The following SUPT3H variants were observed in gnomAD, a reference collection of about 807,000 sequenced individuals.
The protein encoded by SUPT3H is transcription initiation protein SPT3 homolog.
Under a neutral mutation model 44.3 loss-of-function variants are expected in SUPT3H, and 44 were observed. That is an observed-to-expected ratio of 0.99 (90% CI 0.78 to 1.28). SUPT3H has a LOEUF of 1.28. SUPT3H is among the 50% of genes most tolerant of loss of function. The probability of loss-of-function intolerance (pLI) is 0.00; values close to 1 mark genes in which losing one functional copy is unlikely to be tolerated. For missense variants in SUPT3H, 380 were observed against 387.1 expected (o/e 0.98, Z 0.15); for synonymous variants, 124 against 125.6 (o/e 0.99, Z 0.09).
At chr6:45,061,619 C>CA (rs1792049278) in intron 3 of SUPT3H, among the ~76,000 whole-genome samples, 1 of 151,642 alleles carries the variant, frequency 6.6e-6, no homozygotes. Flanking sequence ...AAGAAACAAA[C>CA]AAAAAAAGAA....
At chr6:44,846,626 T>G (rs1376169335) in intron 10 of SUPT3H, among the ~76,000 whole-genome samples, 2 of 151,878 alleles carry the variant, frequency 1.3e-5, no homozygotes, top group East Asian at 3.9e-4. Flanking sequence ...TCTTTCCCAA[T>G]TGAATTTTTT....
chr6:45,269,877 G>A (rs1775842518), intron 2 of SUPT3H, among the ~76,000 whole-genome samples: 1 of 152,090 alleles, frequency 6.6e-6, no homozygotes, highest in Non-Finnish European at 1.5e-5. Context: ...TCTAATTTCA[G>A]AACATTTTCA....
At chr6:44,984,003 A>G (rs1779440681) in intron 6 of SUPT3H, among the ~76,000 whole-genome samples, 1 of 152,220 alleles carries the variant, frequency 6.6e-6, no homozygotes, top group African/African-American at 2.4e-5. Flanking sequence ...TCAACCTAGC[A>G]TATATATGGC....
chr6:44,837,477 G>C (rs857601), intron 10 of SUPT3H, among the ~76,000 whole-genome samples: 1 of 152,104 alleles, frequency 6.6e-6, no homozygotes, highest in Non-Finnish European at 1.5e-5. Context: ...TTCCTAAAAA[G>C]TGGGCTTAGA....
chr6:45,219,322 A>G (rs1452988492), intron 2 of SUPT3H, among the ~76,000 whole-genome samples: 1 of 152,098 alleles, frequency 6.6e-6, no homozygotes, highest in Non-Finnish European at 1.5e-5. Flanking sequence ...AGATGAATAA[A>G]ATAGATAAAC....
At chr6:45,225,747 A>G (rs1264095713) in intron 2 of SUPT3H, among the ~76,000 whole-genome samples, 1 of 152,190 alleles carries the variant, frequency 6.6e-6, no homozygotes, top group Admixed American at 6.5e-5. Context: ...CATACAATTT[A>G]GTATATTTCT....
intron 3 of SUPT3H, among the ~76,000 whole-genome samples, chr6:45,028,896 C>CAAAAAAAAAAAA (rs57234806): frequency 8.0e-4 from 57 of 70,980 alleles, no homozygotes; most frequent in African/African-American, 1.1e-3. Context: ...AAACAGTTGC[C>CAAAAAAAAAAAA]AAAAAAAAAA....
chr6:45,323,547 T>C (rs1785863267), intron 2 of SUPT3H, among the ~76,000 whole-genome samples: 1 of 152,026 alleles, frequency 6.6e-6, no homozygotes, highest in South Asian at 2.1e-4. Flanking sequence ...CAGTGGACAA[T>C]TCAAGTCCCA....
chr6:45,350,277 T>A (rs1791750212), intron 2 of SUPT3H, among the ~76,000 whole-genome samples: 2 of 152,178 alleles, frequency 1.3e-5, no homozygotes, highest in Admixed American at 1.3e-4. Context: ...TGTGAATGAA[T>A]AAACAAAAAA....
At chr6:45,301,243 A>G (rs1782100060) in intron 2 of SUPT3H, among the ~76,000 whole-genome samples, 1 of 152,216 alleles carries the variant, frequency 6.6e-6, no homozygotes, top group African/African-American at 2.4e-5. Context: ...GCAACGAGAA[A>G]AAGGAAGCTT....
intron 2 of SUPT3H, among the ~76,000 whole-genome samples, chr6:45,137,595 A>G (rs1478610701): frequency 6.6e-6 from 1 of 151,982 alleles, no homozygotes; most frequent in Non-Finnish European, 1.5e-5. Context: ...ATTATTCTGC[A>G]GCAGATTATA....
chr6:44,812,811 T>C (rs1231965263), intron 11 of SUPT3H, among the ~76,000 whole-genome samples: 1 of 151,506 alleles, frequency 6.6e-6, no homozygotes, highest in Admixed American at 6.6e-5. Flanking sequence ...GAGGTTGGAG[T>C]TTGGGGCTGC....
chr6:45,282,236 G>A (rs1584676843), intron 2 of SUPT3H, among the ~76,000 whole-genome samples: 1 of 152,230 alleles, frequency 6.6e-6, no homozygotes, highest in East Asian at 1.9e-4. Flanking sequence ...AAGCTGGATG[G>A]AGAATGACTT....
chr6:45,040,191 G>C (rs1337943859), intron 3 of SUPT3H, among the ~76,000 whole-genome samples: 1 of 152,160 alleles, frequency 6.6e-6, no homozygotes, highest in African/African-American at 2.4e-5. Flanking sequence ...ATACATAAGT[G>C]AATGAGCATG....
chr6:45,116,309 C>T (rs903961131), intron 2 of SUPT3H, among the ~76,000 whole-genome samples: 4 of 152,074 alleles, frequency 2.6e-5, no homozygotes, highest in African/African-American at 9.7e-5. Context: ...AATCCTTCAC[C>T]TAGAATCACC....
At chr6:45,328,653 A>G in intron 2 of SUPT3H, 1 of 1,610,982 alleles carries the variant, frequency 6.2e-7, no homozygotes, top group Admixed American at 1.7e-5. Flanking sequence ...TATGGTTTGT[A>G]TTTTCAGTTT....
intron 6 of SUPT3H, among the ~76,000 whole-genome samples, chr6:44,968,328 T>C (rs1284810098): frequency 3.3e-5 from 5 of 152,308 alleles, no homozygotes; most frequent in Admixed American, 2.0e-4. Flanking sequence ...TGTTTATATA[T>C]GTATAACGTG....
At chr6:45,008,113 A>G (rs1782976163) in intron 5 of SUPT3H, among the ~76,000 whole-genome samples, 1 of 151,910 alleles carries the variant, frequency 6.6e-6, no homozygotes, top group Admixed American at 6.6e-5. Context: ...TTCCTTTTTT[A>G]TTATCATGAA....
In SUPT3H at chr6:44,816,099, G is replaced by C. The variant is rs569330406; in HGVS notation, c.*53-6598C>G. Among the ~76,000 whole-genome samples, 69 of 152,124 alleles carry C rather than the reference G, an allele frequency of 4.5e-4. 1 individual carries two copies. The South Asian group carries it at 0.014, about 31-fold the overall frequency. ...AGGACATTCTCAAACATTTGGAAAC[G>C]AATCAACACATTTCTAAATAAGCCA... is the stretch of plus-strand genomic sequence containing the variant. On this transcript the variant is annotated intron_variant and NMD_transcript_variant, in intron 11 of 11. Transcript: ENST00000475057.
Sources: gnomAD v4.1 joint callset for allele counts (sites outside exome capture counted in the v4.1 genomes callset) on GRCh38, gnomAD v4.1.1 for gene constraint, MANE v1.5 for transcripts, NCBI Gene and HGNC (gene_info 2026-07-23, HGNC 2026-07-21) for gene names.